DYNAP: variants seen among roughly 807,000 people sequenced by gnomAD.
DYNAP encodes dynactin-associated protein.
In DYNAP, 7 loss-of-function variants were observed where a neutral mutation model predicts 8.5. That is an observed-to-expected ratio of 0.82 (90% confidence interval 0.47 to 1.54). The LOEUF is 1.54. DYNAP is among the 40% of genes most tolerant of loss of function. The pLI, the probability that DYNAP is intolerant of heterozygous loss-of-function variation, is 0.01. For missense variants in DYNAP, 256 were observed against 224.3 expected, an observed-to-expected ratio of 1.14 and a Z score of -0.90; for synonymous variants, 77 against 77.9, an observed-to-expected ratio of 0.99 and a Z score of 0.06.
chr18:54,594,242 G>A (rs1911194995), intron 1 of DYNAP, among the ~76,000 whole-genome samples: 1 of 152,046 alleles, frequency 6.6e-6, no homozygotes, highest in South Asian at 2.1e-4. Flanking sequence ...ATGCCCAAGA[G>A]GAACCCAGCA....
the DYNAP span, among the ~76,000 whole-genome samples, chr18:54,577,891 C>T: frequency 2.1e-4 from 32 of 149,346 alleles, no homozygotes; most frequent in South Asian, 3.8e-3. Context: ...CGCTTGAACC[C>T]GGCAGGTTGC....
At chr18:54,584,775 G>A (rs187772707), upstream of DYNAP, among the ~76,000 whole-genome samples, 15 of 152,288 alleles carry the variant, frequency 9.8e-5, no homozygotes, top group Non-Finnish European at 1.3e-4. Context: ...CAATAGGAAT[G>A]TGGCTATTTA....
chr18:54,589,327 C>T (rs2144884309), upstream of DYNAP, among the ~76,000 whole-genome samples: 1 of 152,200 alleles, frequency 6.6e-6, no homozygotes, highest in Non-Finnish European at 1.5e-5. Flanking sequence ...AACAAAGATC[C>T]TTTATTGGCG....
chr18:54,593,549 C>A (rs1343001809), intron 1 of DYNAP, among the ~76,000 whole-genome samples: 1 of 152,130 alleles, frequency 6.6e-6, no homozygotes. Flanking sequence ...CCAAAGATAA[C>A]CTTGATTCAC....
chr18:54,579,425 A>G, the DYNAP span, among the ~76,000 whole-genome samples: 2 of 152,236 alleles, frequency 1.3e-5, no homozygotes, highest in Non-Finnish European at 2.9e-5. Flanking sequence ...AATCTTATAT[A>G]TGCTCTGCAA....
chr18:54,590,836 T>C (rs1911040416), upstream of DYNAP, among the ~76,000 whole-genome samples: 1 of 152,162 alleles, frequency 6.6e-6, no homozygotes, highest in Non-Finnish European at 1.5e-5. Flanking sequence ...AAAGGTGAAG[T>C]GTCCCTAAGG....
chr18:54,578,338 G>A, the DYNAP span, among the ~76,000 whole-genome samples: 1 of 152,202 alleles, frequency 6.6e-6, no homozygotes, highest in Non-Finnish European at 1.5e-5. Flanking sequence ...TGGTTTTCGT[G>A]TTACTTATTG....
upstream of DYNAP, among the ~76,000 whole-genome samples, chr18:54,587,392 A>C (rs1910916525): frequency 1.3e-5 from 2 of 152,318 alleles, no homozygotes; most frequent in Admixed American, 6.5e-5. Flanking sequence ...GCTATAAAAA[A>C]AATGTAAAGT....
chr18:54,579,042 G>A, the DYNAP span, among the ~76,000 whole-genome samples: 1,773 of 152,042 alleles, frequency 0.012, 30 homozygotes, highest in African/African-American at 0.04. Context: ...CTCATGGTCC[G>A]CCCGCCTCGG....
At chr18:54,585,256 C>A (rs891195124), upstream of DYNAP, among the ~76,000 whole-genome samples, 1 of 151,876 alleles carries the variant, frequency 6.6e-6, no homozygotes, top group Non-Finnish European at 1.5e-5. Context: ...TTAACTAACA[C>A]TGAGGCCATA....
At chr18:54,582,461 T>C in the DYNAP span, among the ~76,000 whole-genome samples, 1 of 152,262 alleles carries the variant, frequency 6.6e-6, no homozygotes. Flanking sequence ...ATAACAATAG[T>C]AACTTTCCCC....
the DYNAP span, among the ~76,000 whole-genome samples, chr18:54,578,634 G>T: frequency 6.6e-6 from 1 of 152,092 alleles, no homozygotes; most frequent in South Asian, 2.1e-4. Flanking sequence ...GGTAACTGTT[G>T]TTCCATTTGG....
upstream of DYNAP, among the ~76,000 whole-genome samples, chr18:54,587,101 G>C (rs1910906694): frequency 6.6e-6 from 1 of 152,006 alleles, no homozygotes; most frequent in African/African-American, 2.4e-5. Context: ...CCATCAGAAT[G>C]GTATATTTTT....
chr18:54,593,467 A>T (rs1397530313), intron 1 of DYNAP, among the ~76,000 whole-genome samples: 7 of 152,184 alleles, frequency 4.6e-5, no homozygotes, highest in African/African-American at 1.7e-4. Context: ...GCAGTTATTT[A>T]CTCAGTGATC....
chr18:54,590,243 A>G (rs1258181578), upstream of DYNAP, among the ~76,000 whole-genome samples: 1 of 152,182 alleles, frequency 6.6e-6, no homozygotes, highest in Non-Finnish European at 1.5e-5. Flanking sequence ...TAGGTATGTT[A>G]TATAAGTGAA....
chr18:54,586,893 A>G (rs1355711320), upstream of DYNAP, among the ~76,000 whole-genome samples: 1 of 152,218 alleles, frequency 6.6e-6, no homozygotes, highest in African/African-American at 2.4e-5. Context: ...AATCAAATCT[A>G]TGTCAGAGAT....
rs761996540 is a variant in DYNAP at position 54,597,895 on chromosome 18, T to C, written c.305T>C (p.Ile102Thr). The C allele has an allele frequency of 3.1e-6, 5 of 1,613,508 alleles. No individual in the cohort carries two copies. The highest frequency in any genetic ancestry group is 3.3e-5 in the Admixed American group (2 of 59,908). Residue 102 changes from isoleucine (I) to threonine (T), a missense_variant, in exon 3 of 3, where the codon ATT becomes ACT. Coordinates refer to ENST00000648945, the MANE Select transcript of DYNAP (RefSeq NM_173629.3). The part of the protein sequence containing the change: ...CLLACVIMTA[I>T]GVLIICLVNN... ...TTAGCCTGTGTGATAATGACAGCAA[T>C]TGGAGTACTTATAATATGCTTGGTG...
At position 54,598,227 on chromosome 18, in the gene DYNAP, C is replaced by T; in HGVS notation, c.*82C>T. 4 of 1,388,082 alleles carry T rather than the reference C, an allele frequency of 2.9e-6. No individual in the cohort carries two copies. The highest frequency in any genetic ancestry group is 4.7e-5 in the East Asian group (2 of 42,730). The allele number at this position is 1,388,082 out of a possible 1,614,324, so 86.0% of individuals were successfully genotyped here. On this transcript the variant is annotated 3_prime_UTR_variant, in exon 3 of 3. Coordinates refer to ENST00000648945, the MANE Select transcript of DYNAP (RefSeq NM_173629.3). The stretch of plus-strand genomic sequence containing the variant: ...CAGTTTGCAACTATAATAGCTACTC[C>T]TATCACTTCAAGTGGAATCATGGCT...
Position 54,598,855 on chromosome 18 carries a change from C to T in DYNAP, c.*710C>T, listed in dbSNP as rs1451632195. 6.6e-6 allele frequency: 1 copy of T among 152,128 alleles called. No homozygotes were observed. Among genetic ancestry groups the T allele is most frequent in the Non-Finnish European group, 1.5e-5 (1 of 68,032 alleles). 9.4% of individuals were successfully genotyped at this position (152,128 alleles called of 1,614,324 possible). On this transcript the variant is annotated 3_prime_UTR_variant, in exon 3 of 3. Transcript: ENST00000648945. ...TTTAGGTCTAATAAGAAACACTTTA[C>T]AACCTGCTCTCTCTCTGAAGTCTGC... is the stretch of plus-strand genomic sequence containing the variant.
Sources: allele counts gnomAD v4.1 joint callset (sites outside exome capture counted in the v4.1 genomes callset), GRCh38; gene constraint gnomAD v4.1.1; transcripts MANE v1.5; gene names NCBI Gene and HGNC (gene_info 2026-07-23, HGNC 2026-07-21).